CD44: variants seen among roughly 807,000 people sequenced by gnomAD.
CD44 encodes the protein CD44 molecule (IN blood group).
CD44 carries 49 observed loss-of-function variants against 88.8 expected under a neutral mutation model. That is an observed-to-expected ratio of 0.55 (90% CI 0.44 to 0.70). CD44 has a LOEUF of 0.70. Among genes scored for constraint, CD44 ranks in the 30% least tolerant of loss-of-function variants. The probability of loss-of-function intolerance (pLI) is 0.00; values close to 1 mark genes in which losing one functional copy is unlikely to be tolerated. For missense variants in CD44, 883 were observed against 913.8 expected, an observed-to-expected ratio of 0.97 and a Z score of 0.43; for synonymous variants, 325 against 312.3, an observed-to-expected ratio of 1.04 and a Z score of -0.43.
At chr11:35,174,769 T>C (rs1329376084) in intron 1 of CD44, among the ~76,000 whole-genome samples, 1 of 152,220 alleles carries the variant, frequency 6.6e-6, no homozygotes, top group African/African-American at 2.4e-5. Flanking sequence ...ATATTAAAAG[T>C]GTGTTTCTGA....
At chr11:35,170,151 G>A (rs1033040147) in intron 1 of CD44, among the ~76,000 whole-genome samples, 12 of 152,072 alleles carry the variant, frequency 7.9e-5, no homozygotes, top group Non-Finnish European at 1.3e-4. Flanking sequence ...TGACAGGTTC[G>A]CATTGTCATC....
At chr11:35,161,574 A>G (rs975249955) in intron 1 of CD44, among the ~76,000 whole-genome samples, 11 of 152,154 alleles carry the variant, frequency 7.2e-5, no homozygotes, top group Non-Finnish European at 1.5e-5. Context: ...GCAGCGCTGT[A>G]AGTCTCTGAT....
At chr11:35,170,476 G>A (rs1382753389) in intron 1 of CD44, among the ~76,000 whole-genome samples, 1 of 152,148 alleles carries the variant, frequency 6.6e-6, no homozygotes, top group East Asian at 1.9e-4. Flanking sequence ...CTATAGTAAT[G>A]AGCGTGCTAA....
chr11:35,163,475 G>A (rs899300907), intron 1 of CD44, among the ~76,000 whole-genome samples: 2 of 152,128 alleles, frequency 1.3e-5, no homozygotes, highest in African/African-American at 4.8e-5. Context: ...TGGAGTATGC[G>A]AACCAGATGG....
At chr11:35,181,990 A>AATTTATATTTATATAT (rs1383876274) in intron 3 of CD44, among the ~76,000 whole-genome samples, 2 of 114,032 alleles carry the variant, frequency 1.8e-5, no homozygotes, top group Non-Finnish European at 3.3e-5. Context: ...ATTATATATA[A>AATTTATATTTATATAT]ATTTATATTT....
At chr11:35,190,202 G>A (rs1375107854) in intron 5 of CD44, 137 bp downstream of exon 5, 10 of 705,182 alleles carry the variant, frequency 1.4e-5, no homozygotes, top group African/African-American at 1.8e-5. Flanking sequence ...ATTCAGGGAG[G>A]TGGGCTCTTG....
intron 12 of CD44, among the ~76,000 whole-genome samples, chr11:35,208,685 T>A (rs573435625): frequency 6.6e-6 from 1 of 152,200 alleles, no homozygotes; most frequent in Non-Finnish European, 1.5e-5. Flanking sequence ...TTATTGACAA[T>A]CAACAAAGGT....
chr11:35,213,085 A>G (rs1948539711), intron 14 of CD44, among the ~76,000 whole-genome samples: 1 of 152,060 alleles, frequency 6.6e-6, no homozygotes, highest in Non-Finnish European at 1.5e-5. Context: ...CAGCCTCCCA[A>G]AGTGCTAGGA....
At position 35,180,768 on chromosome 11, in the gene CD44, T is replaced by C. The variant is rs79885218; in HGVS notation, c.367+361T>C. Among the ~76,000 whole-genome samples the C allele has an allele frequency of 8.4e-3, 1,275 of 152,190 alleles. 50 individuals are homozygous for C. The highest frequency in any genetic ancestry group is 0.068 in the East Asian group (352 of 5,178). The stretch of plus-strand genomic sequence containing the variant: ...AAAATCTCATAATGTTTTAAGAAAG[T>C]TTACGGGTTTGTGTTGGACCACATT... On this transcript the variant is annotated intron_variant, in intron 3 of 17. Transcript: ENST00000428726.
chr11:35,190,983 C>T (rs898079535), intron 5 of CD44, among the ~76,000 whole-genome samples: 1 of 152,192 alleles, frequency 6.6e-6, no homozygotes, highest in Non-Finnish European at 1.5e-5. Context: ...TCCCTCTTTG[C>T]TTTTCTTCTA....
At chr11:35,218,648 A>G (rs1160790861) in intron 15 of CD44, among the ~76,000 whole-genome samples, 2 of 152,110 alleles carry the variant, frequency 1.3e-5, no homozygotes, top group African/African-American at 4.8e-5. Flanking sequence ...GTTGGCTCCT[A>G]TGATGCTATT....
intron 17 of CD44, chr11:35,222,539 ACT>A: frequency 9.7e-7 from 1 of 1,030,616 alleles, no homozygotes; most frequent in Non-Finnish European, 1.2e-6. Flanking sequence ...CTTGAAGGCC[ACT>A]CTCTCCCTAC....
chr11:35,178,493 G>A (rs78179677), intron 2 of CD44, among the ~76,000 whole-genome samples: 1,951 of 152,292 alleles, frequency 0.013, 17 homozygotes, highest in Middle Eastern at 0.02. Flanking sequence ...CCTCAGCCCA[G>A]GACAGGATTT....
chr11:35,206,368 T>A, intron 11 of CD44, 125 bp downstream of exon 11: 1 of 951,856 alleles, frequency 1.1e-6, no homozygotes, highest in Non-Finnish European at 1.5e-6. Context: ...CCTGAGGTTC[T>A]TCAAAAATTA....
chr11:35,148,934 G>A (rs749433525), intron 1 of CD44, among the ~76,000 whole-genome samples: 5 of 151,750 alleles, frequency 3.3e-5, no homozygotes, highest in East Asian at 3.9e-4. Context: ...TACTTGTAGC[G>A]ATCCTCAACC....
chr11:35,196,962 A>G (rs530007454), intron 6 of CD44, 88 bp downstream of exon 6: 1 of 1,389,622 alleles, frequency 7.2e-7, no homozygotes, highest in South Asian at 1.3e-5. Flanking sequence ...TTAAAGCCTA[A>G]CGTTCCTTCT....
chr11:35,212,621 G>A (rs867307811), intron 14 of CD44: 1 of 152,156 alleles, frequency 6.6e-6, no homozygotes, highest in South Asian at 2.1e-4. Flanking sequence ...GCCTACCCAA[G>A]AGCTTCAAGA....
At chr11:35,168,415 G>A (rs1385028608) in intron 1 of CD44, among the ~76,000 whole-genome samples, 1 of 152,206 alleles carries the variant, frequency 6.6e-6, no homozygotes, top group Non-Finnish European at 1.5e-5. Flanking sequence ...AAAAATGCCT[G>A]CCACACAGGA....
rs866967851 is a variant in CD44, at chr11:35,220,830, G to A, written c.1946-824G>A. ...TGCCCAGGCTGGAGTGCAGTGGCGC[G>A]ACCTCGGCCCACTGCAACCTCTGCT... On this transcript the variant is annotated intron_variant, in intron 16 of 17. Coordinates refer to ENST00000428726, the MANE Select transcript of CD44 (RefSeq NM_000610.4). Among the ~76,000 whole-genome samples the A allele has an allele frequency of 6.4e-5, 9 of 141,596 alleles. No individual in the cohort carries two copies. In the South Asian group the frequency reaches 6.8e-4, roughly 11 times the overall value. 92.9% of individuals were successfully genotyped at this position (141,596 alleles called of 152,430 possible). A position where few individuals can be genotyped will look rare whatever the true frequency, so the allele number is the denominator to read the frequency against.
Sources: allele counts gnomAD v4.1 joint callset (sites outside exome capture counted in the v4.1 genomes callset), GRCh38; gene constraint gnomAD v4.1.1; transcripts MANE v1.5; gene names NCBI Gene and HGNC (gene_info 2026-07-23, HGNC 2026-07-21).